CSNK1D: variants seen among roughly 807,000 people sequenced by gnomAD.
The protein encoded by CSNK1D is casein kinase I isoform delta.
A neutral mutation model predicts 46.6 loss-of-function variants in CSNK1D; 16 were observed. The observed-to-expected ratio is 0.34, with a 90% confidence interval of 0.23 to 0.52. The LOEUF is 0.52. Among genes scored for constraint, CSNK1D ranks in the 20% least tolerant of loss-of-function variants. The pLI, the probability that CSNK1D is intolerant of heterozygous loss-of-function variation, is 0.95. For synonymous variants in CSNK1D, 276 were observed against 228.2 expected (o/e 1.21, Z -1.89); for missense variants, 398 against 578.4 (o/e 0.69, Z 3.20).
downstream of CSNK1D, among the ~76,000 whole-genome samples, chr17:82,242,212 T>TG (rs546603907): frequency 0.07 from 5,973 of 85,494 alleles, 162 homozygotes; most frequent in African/African-American, 0.088. Flanking sequence ...CTGTGTGCTC[T>TG]GGGGGGGGGG....
intron 8 of CSNK1D, chr17:82,245,290 C>T: frequency 3.4e-6 from 1 of 295,642 alleles, no homozygotes; most frequent in Non-Finnish European, 6.6e-6. Context: ...CTGGAAGGAG[C>T]CGCCGAGCGC....
At chr17:82,260,429 T>G (rs1423643372) in intron 2 of CSNK1D, among the ~76,000 whole-genome samples, 2 of 149,546 alleles carry the variant, frequency 1.3e-5, no homozygotes, top group Non-Finnish European at 3.0e-5. Flanking sequence ...GATGGTGTAC[T>G]GAGTGATGTG....
chr17:82,251,745 C>T lies in CSNK1D; in HGVS notation c.737-218G>A, dbSNP rs780225652. The T allele has an allele frequency of 2.0e-5, 12 of 587,988 alleles. No homozygotes were observed. The highest frequency in any genetic ancestry group is 3.4e-5 in the Non-Finnish European group (11 of 321,920). The allele number at this position is 587,988 out of a possible 1,614,324, so 36.4% of individuals were successfully genotyped here. A position where few individuals can be genotyped will look rare whatever the true frequency, so the allele number is the denominator to read the frequency against. On this transcript the variant is annotated intron_variant, in intron 5 of 8. Coordinates refer to ENST00000314028, the MANE Select transcript of CSNK1D (RefSeq NM_001893.6). This position sits in a 1 kb window ranked among gnomAD's most constrained non-coding sequence, Gnocchi z 4.5. ...GCGGCTCACGCCTGTCACCCCAGCA[C>T]TCTAGGAGGCTGAGGAGGGCGGATC...
Position 82,250,425 on chromosome 17 carries a change from T to A in CSNK1D, c.886-823A>T. 5.7e-6 allele frequency: 2 copies of A among 351,136 alleles called. No homozygotes were observed. Among genetic ancestry groups the A allele is most frequent in the South Asian group, 4.2e-5 (2 of 47,654 alleles). 21.8% of individuals were successfully genotyped at this position (351,136 alleles called of 1,614,324 possible). On this transcript the variant is annotated intron_variant, in intron 6 of 8. Coordinates refer to ENST00000314028, the MANE Select transcript of CSNK1D (RefSeq NM_001893.6). This position sits in a 1 kb window ranked among gnomAD's most constrained non-coding sequence, Gnocchi z 4.6. ...TAGCCTGCTCTGAGGGCCGGGTGAC[T>A]CTAATGCCGCAGGAGGGTCGCTCTG...
intron 8 of CSNK1D, chr17:82,246,136 A>T: frequency 1.3e-6 from 2 of 1,548,308 alleles, no homozygotes; most frequent in South Asian, 1.2e-5. Context: ...TGCCTCAACC[A>T]GGTCCACAGA....
intron 8 of CSNK1D, 140 bp from the exon 9 acceptor site, chr17:82,244,971 A>C (rs1345433539): frequency 9.5e-7 from 1 of 1,052,018 alleles, no homozygotes; most frequent in Non-Finnish European, 1.4e-6. Context: ...GTCCCCCGCC[A>C]CGCACAGGGG....
At position 82,250,103 on chromosome 17, in the gene CSNK1D, A is replaced by G. The variant is rs545301419; in HGVS notation, c.886-501T>C. On this transcript the variant is annotated intron_variant, in intron 6 of 8. Transcript: ENST00000314028. The surrounding 1 kb of genome is among the most constrained non-coding windows in gnomAD (Gnocchi z 4.6). ...GTGCAGGTGTGGTGGCGTGGCCAGC[A>G]GCCGGCAGCCGGATCTGTGCTGCAC... 1 of 1,290,372 alleles carries G rather than the reference A, an allele frequency of 7.7e-7. No homozygotes were observed. Among genetic ancestry groups the G allele is most frequent in the East Asian group, 5.5e-5 (1 of 18,048 alleles). The allele number at this position is 1,290,372 out of a possible 1,614,324, so 79.9% of individuals were successfully genotyped here.
intron 2 of CSNK1D, among the ~76,000 whole-genome samples, chr17:82,257,154 C>T (rs2051194090): frequency 6.6e-6 from 1 of 152,058 alleles, no homozygotes; most frequent in Non-Finnish European, 1.5e-5. Flanking sequence ...ATCGCCTCTC[C>T]TCTGAAGGCA....
intron 3 of CSNK1D, 22 bp from the exon 4 acceptor site, chr17:82,253,266 G>A (rs530165861): frequency 3.1e-5 from 50 of 1,592,950 alleles, no homozygotes; most frequent in Middle Eastern, 1.7e-4. Flanking sequence ...GCAAGGGCGC[G>A]AGATGGCACC....
At chr17:82,261,756 T>C (rs187456537) in intron 2 of CSNK1D, among the ~76,000 whole-genome samples, 10 of 152,288 alleles carry the variant, frequency 6.6e-5, no homozygotes, top group African/African-American at 2.2e-4. Flanking sequence ...GATTTTAATG[T>C]CCTCGATACC....
chr17:82,244,787 G>A lies in CSNK1D; in HGVS notation c.1242C>T (p.His414=). The stretch of plus-strand genomic sequence containing the variant: ...ACAGCAATAAGGAGAGTTCTCATCG[G>A]TGCACGACAGACTGAAGACCACTGG... The part of the protein sequence containing the change: ...VASSGLQSVV[H]R The change falls in exon 9 of 9, where the codon CAC becomes CAT. Residue 414 remains histidine (H), a synonymous_variant. Coordinates refer to ENST00000314028, the MANE Select transcript of CSNK1D (RefSeq NM_001893.6). 1 of 1,614,000 alleles carries A rather than the reference G, an allele frequency of 6.2e-7. No individual in the cohort carries two copies.
At chr17:82,247,447 A>C (rs1198969907) in intron 8 of CSNK1D, 1 of 985,372 alleles carries the variant, frequency 1.0e-6, no homozygotes, top group East Asian at 1.1e-4. Flanking sequence ...TCTTTAAAAG[A>C]AACAAAAAGC....
chr17:82,247,847 C>T, intron 8 of CSNK1D: 1 of 985,402 alleles, frequency 1.0e-6, no homozygotes, highest in Non-Finnish European at 1.2e-6. Flanking sequence ...AGAAGTTATA[C>T]AAAAAGGTCT....
intron 1 of CSNK1D, 84 bp from the exon 2 acceptor site, chr17:82,265,880 G>A (rs1221915913): frequency 8.6e-7 from 1 of 1,158,846 alleles, no homozygotes; most frequent in Admixed American, 1.7e-5. Context: ...CAAGCACTAT[G>A]TGTTTTCCAT....
chr17:82,261,354 T>C (rs751790203), intron 2 of CSNK1D, among the ~76,000 whole-genome samples: 23 of 152,022 alleles, frequency 1.5e-4, no homozygotes, highest in Non-Finnish European at 2.6e-4. Context: ...ATGCTGCTAT[T>C]TGTAGTCTCA....
intron 2 of CSNK1D, among the ~76,000 whole-genome samples, chr17:82,260,365 C>T (rs1048838053): frequency 2.8e-5 from 4 of 145,130 alleles, no homozygotes; most frequent in African/African-American, 7.9e-5. Context: ...TGATGGTGTA[C>T]GGACTGATGT....
At chr17:82,269,665 GCCCA>G (rs1337443364) in intron 1 of CSNK1D, among the ~76,000 whole-genome samples, 1 of 152,206 alleles carries the variant, frequency 6.6e-6, no homozygotes, top group African/African-American at 2.4e-5. Flanking sequence ...CATCTGTCCA[GCCCA>G]CCAGCCAGGT....
Position 82,244,143 on chromosome 17 carries a change from C to A in CSNK1D, c.*638G>T. 1.0e-6 allele frequency: 1 copy of A among 1,003,992 alleles called. No individual in the cohort carries two copies. The highest frequency in any genetic ancestry group is 1.2e-6 in the Non-Finnish European group (1 of 839,654). 62.2% of individuals were successfully genotyped at this position (1,003,992 alleles called of 1,614,324 possible). ...AGAGGTCCCACCACACACGGGCACA[C>A]ACACACACCACGGACTTTTGATGAG... On this transcript the variant is annotated 3_prime_UTR_variant, in exon 9 of 9. Coordinates refer to ENST00000314028, the MANE Select transcript of CSNK1D (RefSeq NM_001893.6).
intron 1 of CSNK1D, among the ~76,000 whole-genome samples, chr17:82,271,232 C>T (rs947909350): frequency 6.6e-6 from 1 of 152,152 alleles, no homozygotes; most frequent in African/African-American, 2.4e-5. Flanking sequence ...GCCACCACCA[C>T]GCCTGGCCAA....
Sources: allele counts gnomAD v4.1 joint callset (sites outside exome capture counted in the v4.1 genomes callset), GRCh38; gene constraint gnomAD v4.1.1; non-coding constraint Gnocchi (gnomAD v3.1); transcripts MANE v1.5; gene names NCBI Gene and HGNC (gene_info 2026-07-23, HGNC 2026-07-21).